The following CRISP1 variants were observed in gnomAD, a reference collection of about 807,000 sequenced individuals.
The protein encoded by CRISP1 is cysteine rich secretory protein 1, also known as cysteine-rich secretory protein 1.
CRISP1 carries 44 observed loss-of-function variants against 33.1 expected under a neutral mutation model. The ratio of observed to expected loss-of-function variants is 1.33; its 90% CI spans 1.05 to 1.71. CRISP1 has a LOEUF of 1.71. Ranked by LOEUF, CRISP1 falls within the 40% of genes most tolerant of loss-of-function variation. The probability of loss-of-function intolerance (pLI) is 0.00; values close to 1 mark genes in which losing one functional copy is unlikely to be tolerated. For synonymous variants in CRISP1, 103 were observed against 98.7 expected (o/e 1.04, Z -0.26); for missense variants, 390 against 301.2 (o/e 1.29, Z -2.18).
chr6:49,875,867 C>T (rs1772023795), intron 1 of CRISP1, among the ~76,000 whole-genome samples: 2 of 152,172 alleles, frequency 1.3e-5, no homozygotes, highest in South Asian at 2.1e-4. Context: ...AAACTGGATC[C>T]TTTCCTTACA....
At chr6:49,872,697 G>T (rs1187064493) in intron 1 of CRISP1, among the ~76,000 whole-genome samples, 1 of 152,136 alleles carries the variant, frequency 6.6e-6, no homozygotes, top group Non-Finnish European at 1.5e-5. Flanking sequence ...GTTTGTCAAA[G>T]ATCAGATAGT....
chr6:49,845,438 C>A (rs1336457264), intron 5 of CRISP1, among the ~76,000 whole-genome samples: 1 of 152,118 alleles, frequency 6.6e-6, no homozygotes, highest in Non-Finnish European at 1.5e-5. Context: ...TTAATCCACC[C>A]AGCTGTGGTA....
intron 1 of CRISP1, among the ~76,000 whole-genome samples, chr6:49,859,336 A>C (rs1349092982): frequency 6.7e-6 from 1 of 149,480 alleles, no homozygotes; most frequent in Non-Finnish European, 1.5e-5. Context: ...GACATTTCCC[A>C]CCTGAAGTGT....
chr6:49,870,347 A>G (rs1771893877), upstream of CRISP1, among the ~76,000 whole-genome samples: 1 of 152,164 alleles, frequency 6.6e-6, no homozygotes, highest in Non-Finnish European at 1.5e-5. Flanking sequence ...GTAGGGTGTA[A>G]TAATACCAGT....
At chr6:49,845,255 C>G (rs752991002) in intron 5 of CRISP1, among the ~76,000 whole-genome samples, 42 of 152,158 alleles carry the variant, frequency 2.8e-4, no homozygotes, top group Non-Finnish European at 8.8e-5. Flanking sequence ...CTTATGGTCT[C>G]TCTTGTCTCT....
intron 1 of CRISP1, among the ~76,000 whole-genome samples, chr6:49,876,353 G>A (rs1772035625): frequency 6.6e-6 from 1 of 152,076 alleles, no homozygotes; most frequent in Non-Finnish European, 1.5e-5. Flanking sequence ...TCTCACTCCA[G>A]TCAGAATGGC....
chr6:49,856,006 G>A (rs1432848260), intron 2 of CRISP1, among the ~76,000 whole-genome samples: 1 of 152,144 alleles, frequency 6.6e-6, no homozygotes. Flanking sequence ...TCTATAAAAT[G>A]TATGAAAATA....
intron 5 of CRISP1, 50 bp from the exon 6 acceptor site, chr6:49,841,045 G>T (rs1437390142): frequency 2.1e-6 from 3 of 1,428,104 alleles, no homozygotes; most frequent in South Asian, 1.2e-5. Context: ...TTTACTAAAT[G>T]ACTATAATAT....
intron 1 of CRISP1, among the ~76,000 whole-genome samples, chr6:49,866,134 A>G (rs1393628105): frequency 6.6e-6 from 1 of 152,078 alleles, no homozygotes; most frequent in Non-Finnish European, 1.5e-5. Flanking sequence ...TTTCAGATCT[A>G]TATAACCCTA....
intron 4 of CRISP1, among the ~76,000 whole-genome samples, chr6:49,847,238 G>A (rs1195918193): frequency 1.3e-5 from 2 of 152,124 alleles, no homozygotes; most frequent in African/African-American, 2.4e-5. Context: ...ATTAAAAAAA[G>A]ATTCTCATGT....
chr6:49,852,841 A>T (rs973910336), intron 2 of CRISP1, among the ~76,000 whole-genome samples: 68 of 134,970 alleles, frequency 5.0e-4, no homozygotes, highest in South Asian at 2.6e-3. Flanking sequence ...CTATAAAGAG[A>T]ATCTTTGTGT....
At chr6:49,848,973 G>A (rs903994637) in intron 3 of CRISP1, among the ~76,000 whole-genome samples, 6 of 151,904 alleles carry the variant, frequency 3.9e-5, no homozygotes, top group African/African-American at 1.2e-4. Context: ...GTAACTTTTC[G>A]GGGTCACACT....
At chr6:49,851,960 C>A (rs771325857) in intron 3 of CRISP1, 41 bp downstream of exon 3, 12 of 1,586,132 alleles carry the variant, frequency 7.6e-6, no homozygotes, top group African/African-American at 1.4e-5. Flanking sequence ...AACACCATTA[C>A]TATTATTGCA....
chr6:49,860,876 A>G (rs1017892279), intron 1 of CRISP1, among the ~76,000 whole-genome samples: 2 of 152,104 alleles, frequency 1.3e-5, no homozygotes, highest in African/African-American at 4.8e-5. Context: ...AAGATAAAAA[A>G]GAGAAGACCC....
At chr6:49,835,548 A>G in intron 7 of CRISP1, 105 bp from the exon 8 acceptor site, 2 of 1,089,588 alleles carry the variant, frequency 1.8e-6, no homozygotes, top group Non-Finnish European at 2.6e-6. Flanking sequence ...TTTATTAACA[A>G]TTGCTAACTA....
At chr6:49,853,037 T>A (rs1011993654) in intron 2 of CRISP1, among the ~76,000 whole-genome samples, 4 of 152,092 alleles carry the variant, frequency 2.6e-5, no homozygotes, top group Non-Finnish European at 5.9e-5. Flanking sequence ...ACACAATATA[T>A]AGAAGTATTC....
Position 49,834,604 on chromosome 6 carries a change from C to A in CRISP1, c.*712G>T, listed in dbSNP as rs373125591. The A allele has an allele frequency of 5.3e-5, 8 of 152,070 alleles. No individual in the cohort carries two copies. In the East Asian group the frequency reaches 1.5e-3, roughly 29 times the overall value. 9.4% of individuals were successfully genotyped at this position (152,070 alleles called of 1,614,324 possible). On this transcript the variant is annotated 3_prime_UTR_variant, in exon 8 of 8. Coordinates refer to ENST00000335847, the MANE Select transcript of CRISP1 (RefSeq NM_001131.3). ...CTATATGTCTTTAGGGACTTAATTT[C>A]TCATATTATGCTATTTTATATATCT... is the stretch of plus-strand genomic sequence containing the variant.
upstream of CRISP1, among the ~76,000 whole-genome samples, chr6:49,867,249 G>A (rs1325544635): frequency 6.6e-6 from 1 of 151,998 alleles, no homozygotes; most frequent in African/African-American, 2.4e-5. Context: ...TCACATATGA[G>A]AATAGAAAAT....
Position 49,840,923 on chromosome 6 carries a change from G to A in CRISP1, c.508C>T (p.Leu170Phe), listed in dbSNP as rs1016415149. 4 of 1,613,722 alleles carry A rather than the reference G, an allele frequency of 2.5e-6. No individual in the cohort carries two copies. Among genetic ancestry groups the A allele is most frequent in the Non-Finnish European group, 3.4e-6 (4 of 1,179,766 alleles). The part of the protein sequence containing the change: ...SCRQQGSPRY[L>F]YVCHYCHEGN... The stretch of plus-strand genomic sequence containing the variant: ...TCATGACAATAGTGACAAACGTAGA[G>A]ATATCGAGGTGATCCTTGTTGGCGG... Residue 170 changes from leucine (L) to phenylalanine (F), a missense_variant, in exon 6 of 8, where the codon CTC becomes TTC. Coordinates refer to ENST00000335847, the MANE Select transcript of CRISP1 (RefSeq NM_001131.3).
Sources: gnomAD v4.1 joint callset for allele counts (sites outside exome capture counted in the v4.1 genomes callset) on GRCh38, gnomAD v4.1.1 for gene constraint, MANE v1.5 for transcripts, NCBI Gene and HGNC (gene_info 2026-07-23, HGNC 2026-07-21) for gene names.